Variants in CNTN3 observed in about 807,000 individuals in gnomAD.
CNTN3 encodes contactin-3.
CNTN3 carries 60 observed loss-of-function variants against 119.1 expected under a neutral mutation model. The observed-to-expected ratio is 0.50, with a 90% CI of 0.41 to 0.62. The LOEUF (loss-of-function observed/expected upper bound fraction) is 0.62. CNTN3 is among the 20% of genes least tolerant of loss of function. CNTN3 has a pLI of 0.00. For synonymous variants in CNTN3, 450 were observed against 438.7 expected (o/e 1.03, Z -0.32); for missense variants, 1,101 against 1,242.4 (o/e 0.89, Z 1.71).
In CNTN3 at chr3:74,551,500, G is replaced by A. The variant is rs75075008; in HGVS notation, c.-80-30308C>T. Among the ~76,000 whole-genome samples the A allele has an allele frequency of 9.7e-3, 1,471 of 151,922 alleles. 19 individuals carry two copies. Among genetic ancestry groups the A allele is most frequent in the African/African-American group, 0.029 (1,216 of 41,404 alleles). ...ATTTCATTATCAGTCAAAGTTCATAGTTTACATTAGGGTTCACTCTCGGTG... is the reference window on the plus strand; with the variant it reads ...ATTTCATTATCAGTCAAAGTTCATAATTTACATTAGGGTTCACTCTCGGTG... On this transcript the variant is annotated intron_variant, in intron 1 of 22. Transcript: ENST00000263665.
intron 1 of CNTN3, among the ~76,000 whole-genome samples, chr3:74,547,727 C>A (rs1436009034): frequency 1.3e-5 from 2 of 152,112 alleles, no homozygotes; most frequent in Non-Finnish European, 2.9e-5. Flanking sequence ...AATTCTCTGG[C>A]TGTTATGTAC....
chr3:74,464,237 T>A (rs887355705), intron 4 of CNTN3, among the ~76,000 whole-genome samples: 1 of 152,138 alleles, frequency 6.6e-6, no homozygotes, highest in African/African-American at 2.4e-5. Flanking sequence ...TGCTCAAGTA[T>A]AATTTATAAT....
rs1212295037 is a variant in CNTN3, at chr3:74,507,229, G to T, written c.56-7444C>A. 2.0e-5 allele frequency among the ~76,000 whole-genome samples: 3 copies of T among 152,016 alleles called. No individual in the cohort carries two copies. The East Asian group carries it at 5.8e-4, about 29-fold the overall frequency. ...AAGCCAAGAGTTCAAGACAAGCCTG[G>T]GAAACATAGCAAGACTCCATCTCTA... is the stretch of plus-strand genomic sequence containing the variant. On this transcript the variant is annotated intron_variant, in intron 2 of 22. Transcript: ENST00000263665.
intron 13 of CNTN3, among the ~76,000 whole-genome samples, chr3:74,325,731 T>A (rs1703111985): frequency 6.6e-6 from 1 of 152,144 alleles, no homozygotes; most frequent in Admixed American, 6.5e-5. Context: ...AACATCTCAA[T>A]TTTGCAGATG....
chr3:74,549,701 C>T (rs1392053506), intron 1 of CNTN3, among the ~76,000 whole-genome samples: 1 of 152,108 alleles, frequency 6.6e-6, no homozygotes, highest in African/African-American at 2.4e-5. Context: ...CAAAGGTTGC[C>T]AGTGTTAAAT....
chr3:74,499,179 TAC>T (rs937669926), intron 3 of CNTN3, among the ~76,000 whole-genome samples: 4 of 151,788 alleles, frequency 2.6e-5, no homozygotes, highest in African/African-American at 4.8e-5. Context: ...ACAAATGAAA[TAC>T]GTTTTCTCTT....
chr3:74,561,621 C>T (rs1214430947), intron 1 of CNTN3, among the ~76,000 whole-genome samples: 1 of 152,146 alleles, frequency 6.6e-6, no homozygotes, highest in Non-Finnish European at 1.5e-5. Flanking sequence ...CCTTCTTCCC[C>T]TCACGTCCCC....
At chr3:74,322,954 A>C (rs1013821107) in intron 13 of CNTN3, among the ~76,000 whole-genome samples, 2 of 152,208 alleles carry the variant, frequency 1.3e-5, no homozygotes, top group Non-Finnish European at 2.9e-5. Context: ...AACTATTGAG[A>C]CAATAAAAAG....
rs1461830962 is a variant in CNTN3 at position 74,365,688 on chromosome 3, C to A, written c.961G>T (p.Val321Phe). The A allele has an allele frequency of 1.2e-6, 2 of 1,609,376 alleles. No individual in the cohort carries two copies. Among genetic ancestry groups the A allele is most frequent in the Middle Eastern group, 1.7e-4 (1 of 6,026 alleles). ...RLTYYAKPHW[V>F]QLIKDVEIAV... ...ATTTCCACATCCTTTATGAGTTGAACCCAATGGGGCTTTGCTTCAATGAAA... is the reference window on the plus strand; with the variant it reads ...ATTTCCACATCCTTTATGAGTTGAAACCAATGGGGCTTTGCTTCAATGAAA... Residue 321 changes from valine (V) to phenylalanine (F), a missense_variant, in exon 9 of 23, where the codon GTT becomes TTT. Coordinates refer to ENST00000263665, the MANE Select transcript of CNTN3 (RefSeq NM_020872.3).
At chr3:74,521,021 C>A in intron 2 of CNTN3, 37 bp downstream of exon 2, 1 of 1,389,924 alleles carries the variant, frequency 7.2e-7, no homozygotes, top group Non-Finnish European at 1.0e-6. Context: ...GAGTATACTT[C>A]TAACCTCAAC....
intron 10 of CNTN3, 61 bp from the exon 11 acceptor site, chr3:74,362,101 C>T (rs895031000): frequency 2.3e-5 from 36 of 1,577,336 alleles, no homozygotes; most frequent in Non-Finnish European, 2.9e-5. Context: ...TTGTCAATTT[C>T]AAAGGTCCAC....
At chr3:74,557,898 C>T (rs186337638) in intron 1 of CNTN3, among the ~76,000 whole-genome samples, 1 of 152,204 alleles carries the variant, frequency 6.6e-6, no homozygotes, top group Non-Finnish European at 1.5e-5. Context: ...CCAACAAGAA[C>T]ACTGAAGAAG....
chr3:74,531,384 C>T (rs1703690902), intron 1 of CNTN3, among the ~76,000 whole-genome samples: 1 of 151,904 alleles, frequency 6.6e-6, no homozygotes, highest in Non-Finnish European at 1.5e-5. Context: ...ATGAGTGGTG[C>T]TTCTTCCATG....
intron 2 of CNTN3, among the ~76,000 whole-genome samples, chr3:74,514,473 G>A (rs916953699): frequency 6.6e-6 from 1 of 151,972 alleles, no homozygotes; most frequent in East Asian, 1.9e-4. Context: ...AGCCACCTTA[G>A]GAAAATATCT....
At chr3:74,416,595 A>C (rs1028457270) in intron 5 of CNTN3, among the ~76,000 whole-genome samples, 5 of 152,194 alleles carry the variant, frequency 3.3e-5, no homozygotes, top group Non-Finnish European at 5.9e-5. Flanking sequence ...TACCCATTAA[A>C]GGAGTCTGAA....
At chr3:74,290,580 C>T (rs1329390468) in intron 19 of CNTN3, among the ~76,000 whole-genome samples, 3 of 152,200 alleles carry the variant, frequency 2.0e-5, no homozygotes, top group South Asian at 2.1e-4. Context: ...TTACAAGTTA[C>T]GACTAGGTCA....
chr3:74,317,742 C>A (rs1453338625), intron 13 of CNTN3, among the ~76,000 whole-genome samples: 1 of 152,072 alleles, frequency 6.6e-6, no homozygotes, highest in Non-Finnish European at 1.5e-5. Flanking sequence ...TGTGGGTAAC[C>A]CGACCTTTCT....
intron 2 of CNTN3, among the ~76,000 whole-genome samples, chr3:74,517,606 T>C (rs1703472243): frequency 2.6e-5 from 4 of 151,898 alleles, no homozygotes; most frequent in Admixed American, 2.6e-4. Flanking sequence ...GGCTTCCTAC[T>C]CACAAGCCTC....
chr3:74,448,840 C>T (rs774455213), intron 4 of CNTN3, among the ~76,000 whole-genome samples: 1 of 152,050 alleles, frequency 6.6e-6, no homozygotes, highest in Non-Finnish European at 1.5e-5. Context: ...CTCTGTTATA[C>T]AAGATCTATC....
Sources: gnomAD v4.1 joint callset for allele counts (sites outside exome capture counted in the v4.1 genomes callset) on GRCh38, gnomAD v4.1.1 for gene constraint, MANE v1.5 for transcripts, NCBI Gene and HGNC (gene_info 2026-07-23, HGNC 2026-07-21) for gene names.